Variants in PRKAR1B observed in about 807,000 individuals in gnomAD.
PRKAR1B encodes cAMP-dependent protein kinase type I-beta regulatory subunit.
PRKAR1B carries 22 observed loss-of-function variants against 46.5 expected under a neutral mutation model. The observed-to-expected ratio is 0.47, with a 90% CI of 0.34 to 0.68. The LOEUF (loss-of-function observed/expected upper bound fraction) is 0.68, where lower values mean the gene tolerates loss of function less well. Among genes scored for constraint, PRKAR1B ranks in the 30% least tolerant of loss-of-function variants. The probability of loss-of-function intolerance (pLI) is 0.01; values close to 1 mark genes in which losing one functional copy is unlikely to be tolerated. For missense variants in PRKAR1B, 445 were observed against 535.6 expected (o/e 0.83, Z 1.67); for synonymous variants, 259 against 217.7 (o/e 1.19, Z -1.67).
At chr7:612,935 T>C (rs1782609802) in intron 4 of PRKAR1B, among the ~76,000 whole-genome samples, 1 of 152,076 alleles carries the variant, frequency 6.6e-6, no homozygotes, top group African/African-American at 2.4e-5. Context: ...TGAAAAGATG[T>C]GTGTGTGTAA....
intron 4 of PRKAR1B, among the ~76,000 whole-genome samples, chr7:611,329 T>A (rs966160855): frequency 2.6e-5 from 4 of 152,148 alleles, no homozygotes; most frequent in African/African-American, 9.7e-5. Context: ...ATTGAGGGCC[T>A]GAGCGTCTGG....
chr7:646,304 A>G (rs1044645391), intron 4 of PRKAR1B, among the ~76,000 whole-genome samples: 1 of 152,242 alleles, frequency 6.6e-6, no homozygotes. Context: ...TTGGTCTCCC[A>G]AAGTGCTGGG....
In PRKAR1B at chr7:550,405, T is replaced by TG. The variant is rs1267530255; in HGVS notation, c.*24dup. Reference sequence around the variant, plus strand: ...GGGCACGGCCACCACACTGGGGAGCTGGGGCTGCAGGGCGGGAGCTGTGCT... The same window carrying TG: ...GGGCACGGCCACCACACTGGGGAGCTGGGGGCTGCAGGGCGGGAGCTGTGCT... On this transcript the variant is annotated 3_prime_UTR_variant, in exon 11 of 11. Coordinates refer to ENST00000537384, the MANE Select transcript of PRKAR1B (RefSeq NM_001164760.2). 1 of 1,570,458 alleles carries TG rather than the reference T, an allele frequency of 6.4e-7. No individual in the cohort carries two copies. The highest frequency in any genetic ancestry group is 1.4e-5 in the African/African-American group (1 of 73,760).
intron 4 of PRKAR1B, among the ~76,000 whole-genome samples, chr7:659,590 C>T (rs777099868): frequency 8.5e-5 from 13 of 152,138 alleles, no homozygotes; most frequent in Non-Finnish European, 1.5e-4. Context: ...AAGAAGACGA[C>T]GGCTGCAAAA....
intron 4 of PRKAR1B, among the ~76,000 whole-genome samples, chr7:625,782 G>A (rs908517349): frequency 1.3e-5 from 2 of 152,128 alleles, no homozygotes; most frequent in Non-Finnish European, 2.9e-5. Flanking sequence ...CGAGGCAGGA[G>A]ATCACCTGAG....
chr7:609,573 C>A (rs1181215415), intron 4 of PRKAR1B, among the ~76,000 whole-genome samples: 2 of 152,196 alleles, frequency 1.3e-5, no homozygotes. Context: ...CACGTGTGCA[C>A]CCGTGAAAAG....
intron 1 of PRKAR1B, among the ~76,000 whole-genome samples, chr7:715,280 C>A (rs779492349): frequency 1.3e-5 from 2 of 152,186 alleles, no homozygotes; most frequent in African/African-American, 4.8e-5. Flanking sequence ...GAATACACCA[C>A]TGATCTGACA....
At chr7:620,438 A>G (rs1442089734) in intron 4 of PRKAR1B, among the ~76,000 whole-genome samples, 3 of 152,044 alleles carry the variant, frequency 2.0e-5, no homozygotes, top group Non-Finnish European at 2.9e-5. Context: ...TCTATTCTCC[A>G]GTTACTCCTC....
At position 644,632 on chromosome 7, in the gene PRKAR1B, T is replaced by A. The variant is rs1784539832; in HGVS notation, c.440+32597A>T. 6.6e-6 allele frequency among the ~76,000 whole-genome samples: 1 copy of A among 152,170 alleles called. No homozygotes were observed. The highest frequency in any genetic ancestry group is 2.4e-5 in the African/African-American group (1 of 41,432). On this transcript the variant is annotated intron_variant, in intron 4 of 10. Transcript: ENST00000537384. The surrounding 1 kb of genome is among the most constrained non-coding windows in gnomAD (Gnocchi z 4.9). ...AAGCAATGCAGGGCCGTTCTCAGCC[T>A]CAGCAGCTGAGCGTCCACCCCCAGG...
At chr7:681,306 A>G (rs1453538850) in intron 2 of PRKAR1B, among the ~76,000 whole-genome samples, 1 of 149,872 alleles carries the variant, frequency 6.7e-6, no homozygotes, top group African/African-American at 2.5e-5. Context: ...AAAATGGACT[A>G]ATACACCCTG....
intron 7 of PRKAR1B, among the ~76,000 whole-genome samples, chr7:591,496 G>A (rs904689773): frequency 3.3e-5 from 5 of 152,182 alleles, no homozygotes; most frequent in African/African-American, 7.2e-5. Flanking sequence ...CCTGGGTCCC[G>A]GCCTCAGCTC....
chr7:626,020 A>G (rs921947766), intron 4 of PRKAR1B, among the ~76,000 whole-genome samples: 6 of 151,740 alleles, frequency 4.0e-5, no homozygotes, highest in Non-Finnish European at 7.4e-5. Context: ...AAAAAAAAAA[A>G]AAAAAAAGAA....
chr7:694,424 A>G (rs1409771744), intron 2 of PRKAR1B, among the ~76,000 whole-genome samples: 1 of 151,944 alleles, frequency 6.6e-6, no homozygotes, highest in Non-Finnish European at 1.5e-5. Context: ...CTCAGCTCCA[A>G]CAGATCCCAC....
intron 9 of PRKAR1B, among the ~76,000 whole-genome samples, chr7:574,321 A>G (rs574926041): frequency 1.1e-3 from 168 of 152,380 alleles, no homozygotes; most frequent in African/African-American, 3.9e-3. Context: ...AGGGGCTGAG[A>G]AAGCTGGGAA....
chr7:596,618 C>T (rs2128456954), intron 6 of PRKAR1B, among the ~76,000 whole-genome samples: 1 of 152,368 alleles, frequency 6.6e-6, no homozygotes. Flanking sequence ...CTCTGCGGCA[C>T]AGCGGCCCCA....
chr7:580,744 C>CAAAAAAAAAAA (rs754143077), intron 8 of PRKAR1B, among the ~76,000 whole-genome samples: 4 of 117,328 alleles, frequency 3.4e-5, no homozygotes, highest in Non-Finnish European at 1.8e-5. Context: ...TCTTTTTTGA[C>CAAAAAAAAAAA]AAAAAAAAAA....
Position 667,544 on chromosome 7 carries a change from G to C in PRKAR1B, c.440+9685C>G, listed in dbSNP as rs1786000320. On this transcript the variant is annotated intron_variant, in intron 4 of 10. Transcript: ENST00000537384. This position sits in a 1 kb window ranked among gnomAD's most constrained non-coding sequence, Gnocchi z 4.3. The stretch of plus-strand genomic sequence containing the variant: ...CCTGGTCCTGTCTCACCCCTGAGCT[G>C]TCTCCCTGCAGCTGCAGTTCACTAC... 6.6e-6 allele frequency among the ~76,000 whole-genome samples: 1 copy of C among 152,192 alleles called. No individual in the cohort carries two copies. Among genetic ancestry groups the C allele is most frequent in the South Asian group, 2.1e-4 (1 of 4,828 alleles).
intron 4 of PRKAR1B, among the ~76,000 whole-genome samples, chr7:626,972 T>A (rs1783439276): frequency 6.6e-6 from 1 of 152,122 alleles, no homozygotes; most frequent in Non-Finnish European, 1.5e-5. Context: ...CCTCCCGGGT[T>A]CAAGCGATTC....
In PRKAR1B at chr7:673,045, TAAAAAAAAAAAAAA is replaced by T. The variant is rs992683667; in HGVS notation, c.440+4170_440+4183del. ...GGGTGAGAGAGTAAGGCCTTGTCTTTAAAAAAAAAAAAAAAAAAAAAAAAAAAAAAAAACACACA... is the reference window on the plus strand; with the variant it reads ...GGGTGAGAGAGTAAGGCCTTGTCTTTAAAAAAAAAAAAAAAAAAACACACA... On this transcript the variant is annotated intron_variant, in intron 4 of 10. Transcript: ENST00000537384. Among the ~76,000 whole-genome samples the T allele has an allele frequency of 7.9e-3, 210 of 26,560 alleles. 4 individuals carry two copies. Among genetic ancestry groups the T allele is most frequent in the African/African-American group, 0.028 (195 of 6,852 alleles). 17.4% of individuals were successfully genotyped at this position (26,560 alleles called of 152,430 possible).
Sources: gnomAD v4.1 joint callset for allele counts (sites outside exome capture counted in the v4.1 genomes callset) on GRCh38, gnomAD v4.1.1 for gene constraint, Gnocchi (gnomAD v3.1) non-coding constraint, MANE v1.5 for transcripts, NCBI Gene and HGNC (gene_info 2026-07-23, HGNC 2026-07-21) for gene names.